PCDHGA5: variants seen among roughly 807,000 people sequenced by gnomAD.
The protein encoded by PCDHGA5 is protocadherin gamma subfamily A, 5.
In PCDHGA5, 36 loss-of-function variants were observed where a neutral mutation model predicts 56.7. That is an observed-to-expected ratio of 0.64 (90% CI 0.49 to 0.84). The LOEUF is 0.84. PCDHGA5 is among the 40% of genes least tolerant of loss of function. PCDHGA5 has a pLI of 0.00. For synonymous variants in PCDHGA5, 563 were observed against 520.2 expected, an observed-to-expected ratio of 1.08 and a Z score of -1.12; for missense variants, 1,305 against 1,201.5, an observed-to-expected ratio of 1.09 and a Z score of -1.27.
chr5:141,381,898 C>T (rs1777736173), intron 1 of PCDHGA5, among the ~76,000 whole-genome samples: 2 of 123,608 alleles, frequency 1.6e-5, no homozygotes, highest in African/African-American at 6.3e-5. Context: ...GGTGTGATCT[C>T]GGCTCACCAC....
chr5:141,375,333 T>C, intron 1 of PCDHGA5: 1 of 1,613,828 alleles, frequency 6.2e-7, no homozygotes, highest in East Asian at 2.2e-5. Flanking sequence ...GAGGTATTCT[T>C]GTACAACATC....
At chr5:141,390,565 G>A in intron 1 of PCDHGA5, 2 of 420,818 alleles carry the variant, frequency 4.8e-6, no homozygotes, top group Non-Finnish European at 8.5e-6. Context: ...ACAGTTGTTG[G>A]CTCTCTCCTA....
rs368791778 is a variant in PCDHGA5, at chr5:141,409,216, T to C, written c.2421+42465T>C. The C allele has an allele frequency of 4.3e-6, 7 of 1,613,886 alleles. No homozygotes were observed. The African/African-American group carries it at 9.3e-5, about 22-fold the overall frequency. On this transcript the variant is annotated intron_variant, in intron 1 of 3. Coordinates refer to ENST00000518069, the MANE Select transcript of PCDHGA5 (RefSeq NM_018918.3). ...AGTGTAAAGTAATCATAGAAATCCT[T>C]GATGAAAACGACAACAGCCCAGAAA...
In PCDHGA5 at chr5:141,511,345, TCC is replaced by T; in HGVS notation, c.*178_*179del. 1 of 1,410,484 alleles carries T rather than the reference TCC, an allele frequency of 7.1e-7. No homozygotes were observed. The highest frequency in any genetic ancestry group is 9.4e-7 in the Non-Finnish European group (1 of 1,060,658). The allele number at this position is 1,410,484 out of a possible 1,614,324, so 87.4% of individuals were successfully genotyped here. On this transcript the variant is annotated 3_prime_UTR_variant, in exon 4 of 4. Coordinates refer to ENST00000518069, the MANE Select transcript of PCDHGA5 (RefSeq NM_018918.3). ...AAGTGCCCAGTCAGCACCTACCCCT[TCC>T]CCCCCAGGGGGTTGAATATGCAAAA... is the stretch of plus-strand genomic sequence containing the variant.
At chr5:141,399,655 G>A in intron 1 of PCDHGA5, 2 of 1,613,730 alleles carry the variant, frequency 1.2e-6, no homozygotes, top group South Asian at 1.1e-5. Context: ...AAGTGGGGTG[G>A]TGTTCGCGCA....
chr5:141,422,479 A>G, intron 1 of PCDHGA5: 1 of 1,613,890 alleles, frequency 6.2e-7, no homozygotes, highest in Non-Finnish European at 8.5e-7. Flanking sequence ...GTTGGTCCAG[A>G]GCTACAATAT....
chr5:141,385,004 G>T, intron 1 of PCDHGA5: 1 of 1,614,140 alleles, frequency 6.2e-7, no homozygotes, highest in Non-Finnish European at 8.5e-7. Flanking sequence ...ACAGTCTCCT[G>T]CGTCTTCCTA....
intron 1 of PCDHGA5, chr5:141,394,006 T>C (rs753433160): frequency 3.1e-6 from 5 of 1,613,358 alleles, no homozygotes; most frequent in Non-Finnish European, 3.4e-6. Context: ...GAAAAGTCAA[T>C]AGGTAATTAT....
At chr5:141,458,630 C>T (rs575289408) in intron 1 of PCDHGA5, among the ~76,000 whole-genome samples, 1 of 151,864 alleles carries the variant, frequency 6.6e-6, no homozygotes, top group Admixed American at 6.6e-5. Flanking sequence ...AGTGCAGTGG[C>T]ACAATCCCAG....
chr5:141,423,656 A>G (rs988976310), intron 1 of PCDHGA5: 2 of 1,571,854 alleles, frequency 1.3e-6, no homozygotes, highest in African/African-American at 1.4e-5. Context: ...CCGACAAGTA[A>G]TCAGGTGAGA....
intron 1 of PCDHGA5, among the ~76,000 whole-genome samples, chr5:141,430,159 A>G (rs1324343997): frequency 6.6e-6 from 1 of 152,176 alleles, no homozygotes; most frequent in Non-Finnish European, 1.5e-5. Context: ...CAAGGAATCT[A>G]TTTAAAAATA....
Position 141,485,549 on chromosome 5 carries a change from G to A in PCDHGA5, c.2422-9258G>A. 6.2e-7 allele frequency: 1 copy of A among 1,614,030 alleles called. No homozygotes were observed. The highest frequency in any genetic ancestry group is 1.1e-5 in the South Asian group (1 of 91,068). On this transcript the variant is annotated intron_variant, in intron 1 of 3. Transcript: ENST00000518069. The surrounding 1 kb of genome is among the most constrained non-coding windows in gnomAD (Gnocchi z 5.7). ...CCGAGCAGAGGTAGAGATCGTAGATGTGAATGATCACGCCCCCCGTTTTCC... is the reference window on the plus strand; with the variant it reads ...CCGAGCAGAGGTAGAGATCGTAGATATGAATGATCACGCCCCCCGTTTTCC...
intron 1 of PCDHGA5, chr5:141,421,945 A>T: frequency 2.5e-6 from 4 of 1,613,342 alleles, no homozygotes; most frequent in Non-Finnish European, 3.4e-6. Context: ...AAATGATCAC[A>T]TCCCAATGTT....
intron 1 of PCDHGA5, chr5:141,411,997 T>A (rs1321898808): frequency 6.6e-6 from 1 of 152,030 alleles, no homozygotes; most frequent in Non-Finnish European, 1.5e-5. Context: ...GAAGGCATAG[T>A]GACATAAACA....
chr5:141,374,042 C>T (rs757758510), intron 1 of PCDHGA5: 1 of 1,460,408 alleles, frequency 6.8e-7, no homozygotes, highest in Admixed American at 2.7e-5. Context: ...CAGATCTGTT[C>T]TTCCTCTTCT....
intron 1 of PCDHGA5, chr5:141,415,035 C>G (rs368588973): frequency 5.6e-6 from 9 of 1,613,578 alleles, no homozygotes; most frequent in South Asian, 1.1e-5. Context: ...AGCCGGGACT[C>G]TTCGCGGTGG....
In PCDHGA5 at chr5:141,432,997, G is replaced by T. The variant is rs778828769; in HGVS notation, c.2422-61810G>T. 17 of 1,614,082 alleles carry T rather than the reference G, an allele frequency of 1.1e-5. No homozygotes were observed. The highest frequency in any genetic ancestry group is 4.5e-5 in the East Asian group (2 of 44,864). ...CGCACTTTGTGGGCGTGGACGGGGT[G>T]CAGGCTTTCCTGCAGACCTATTCCC... On this transcript the variant is annotated intron_variant, in intron 1 of 3. Transcript: ENST00000518069. The surrounding 1 kb of genome is among the most constrained non-coding windows in gnomAD (Gnocchi z 6.0).
chr5:141,403,964 G>T (rs1279237991), intron 1 of PCDHGA5: 1 of 1,613,704 alleles, frequency 6.2e-7, no homozygotes, highest in Non-Finnish European at 8.5e-7. Context: ...CATTTCGGTG[G>T]AAGATGTAAA....
rs772088278 is a variant in PCDHGA5 at position 141,365,825 on chromosome 5, G to C, written c.1495G>C (p.Ala499Pro). ...YSLAEDTFQG[A>P]PLSSYVSINS... ...CCTGGCTGAAGACACATTTCAGGGG[G>C]CGCCCTTGTCCTCCTATGTATCCAT... The change falls in exon 1 of 4, where the codon GCG becomes CCG. Residue 499 changes from alanine to proline, a missense_variant. Coordinates refer to ENST00000518069, the MANE Select transcript of PCDHGA5 (RefSeq NM_018918.3). 6.2e-7 allele frequency: 1 copy of C among 1,613,942 alleles called. No individual in the cohort carries two copies. Among genetic ancestry groups the C allele is most frequent in the African/African-American group, 1.3e-5 (1 of 75,052 alleles).
Sources: allele counts gnomAD v4.1 joint callset (sites outside exome capture counted in the v4.1 genomes callset), GRCh38; gene constraint gnomAD v4.1.1; non-coding constraint Gnocchi (gnomAD v3.1); transcripts MANE v1.5; gene names NCBI Gene and HGNC (gene_info 2026-07-23, HGNC 2026-07-21).